ZNF827: variants seen among roughly 807,000 people sequenced by gnomAD.
ZNF827 encodes zinc finger protein 827.
A neutral mutation model predicts 102.4 loss-of-function variants in ZNF827; 13 were observed. The observed-to-expected ratio is 0.13, with a 90% CI of 0.08 to 0.20. ZNF827 has a LOEUF of 0.20. ZNF827 is among the 10% of genes least tolerant of loss of function. The probability of loss-of-function intolerance (pLI) is 1.00; values close to 1 mark genes in which losing one functional copy is unlikely to be tolerated. For missense variants in ZNF827, 1,103 were observed against 1,344.4 expected (o/e 0.82, Z 2.81); for synonymous variants, 523 against 536.2 (o/e 0.98, Z 0.34).
At chr4:145,901,369 G>A (rs1269543910) in intron 2 of ZNF827, among the ~76,000 whole-genome samples, 1 of 152,186 alleles carries the variant, frequency 6.6e-6, no homozygotes, top group Non-Finnish European at 1.5e-5. Context: ...TTTCCACTGT[G>A]AGAATTCAAG....
intron 8 of ZNF827, among the ~76,000 whole-genome samples, chr4:145,792,628 G>A (rs141867821): frequency 8.5e-4 from 130 of 152,082 alleles, no homozygotes; most frequent in Admixed American, 2.8e-3. Context: ...TCCTGGGCTC[G>A]AGCAATCTGT....
intron 6 of ZNF827, among the ~76,000 whole-genome samples, chr4:145,848,804 G>A (rs987195882): frequency 2.0e-5 from 3 of 152,128 alleles, no homozygotes; most frequent in Non-Finnish European, 4.4e-5. Flanking sequence ...TTGGTTTACC[G>A]AAACTGTTCT....
At position 145,774,475 on chromosome 4, in the gene ZNF827, G is replaced by A. The variant is rs780493506; in HGVS notation, c.2860+31C>T. ...CTCTGGGGTGCAGGGGATGGAGAAG[G>A]AGTGTGAGAAGGACAGACAGGAATG... On this transcript the variant is annotated intron_variant, in intron 11 of 14. Coordinates refer to ENST00000508784, the MANE Select transcript of ZNF827 (RefSeq NM_001306215.2). 6.4e-5 allele frequency: 102 copies of A among 1,593,700 alleles called. 1 individual carries two copies. Among genetic ancestry groups the A allele is most frequent in the Non-Finnish European group, 8.2e-5 (96 of 1,167,380 alleles).
rs889284982 is a variant in ZNF827 at position 145,870,142 on chromosome 4, G to T, written c.1981+103C>A. On this transcript the variant is annotated intron_variant, in intron 5 of 14. Coordinates refer to ENST00000508784, the MANE Select transcript of ZNF827 (RefSeq NM_001306215.2). Reference sequence around the variant, plus strand: ...TTCTTTGAATTCACAGCAATAATGCGATATTGCTGCCATTGGGTTAATTAT... The same window carrying T: ...TTCTTTGAATTCACAGCAATAATGCTATATTGCTGCCATTGGGTTAATTAT... 5.7e-6 allele frequency: 6 copies of T among 1,049,022 alleles called. No homozygotes were observed. In the African/African-American group the frequency reaches 9.6e-5, roughly 17 times the overall value. 65.0% of individuals were successfully genotyped at this position (1,049,022 alleles called of 1,614,324 possible).
At position 145,821,881 on chromosome 4, in the gene ZNF827, T is replaced by A. The variant is rs1743177413; in HGVS notation, c.2383+1541A>T. Among the ~76,000 whole-genome samples the A allele has an allele frequency of 2.0e-5, 3 of 152,198 alleles. No individual in the cohort carries two copies. The South Asian group carries it at 6.2e-4, about 31-fold the overall frequency. On this transcript the variant is annotated intron_variant, in intron 8 of 14. Transcript: ENST00000508784. ...CTTGACCAATAAACCCTGCTTTAAATACTGCCAAGCCAAACATAAAGCCAG... is the reference window on the plus strand; with the variant it reads ...CTTGACCAATAAACCCTGCTTTAAAAACTGCCAAGCCAAACATAAAGCCAG...
intron 13 of ZNF827, 77 bp downstream of exon 13, chr4:145,764,911 G>C (rs1302139085): frequency 3.1e-6 from 5 of 1,601,718 alleles, no homozygotes; most frequent in Non-Finnish European, 4.3e-6. Flanking sequence ...AAACCTTCAC[G>C]GGAAGGGACG....
intron 1 of ZNF827, among the ~76,000 whole-genome samples, chr4:145,929,494 A>T (rs1449141731): frequency 6.6e-6 from 1 of 152,218 alleles, no homozygotes; most frequent in Non-Finnish European, 1.5e-5. Flanking sequence ...ATTCAGGTCA[A>T]ATCATATAAA....
chr4:145,860,987 C>A (rs935884643), intron 5 of ZNF827, among the ~76,000 whole-genome samples: 3 of 152,202 alleles, frequency 2.0e-5, no homozygotes, highest in Non-Finnish European at 4.4e-5. Flanking sequence ...TGCACAGATG[C>A]GCTGAGTAGC....
chr4:145,935,951 C>T (rs1754131380), intron 1 of ZNF827, among the ~76,000 whole-genome samples: 1 of 152,106 alleles, frequency 6.6e-6, no homozygotes, highest in Non-Finnish European at 1.5e-5. Context: ...TTCTCCTCTC[C>T]CACCCTCCCT....
At chr4:145,923,089 T>C (rs1753191041) in intron 1 of ZNF827, among the ~76,000 whole-genome samples, 2 of 152,188 alleles carry the variant, frequency 1.3e-5, no homozygotes, top group African/African-American at 4.8e-5. Flanking sequence ...TCTATGCACA[T>C]TGATCCATTC....
chr4:145,766,605 G>A (rs562093718), intron 11 of ZNF827, among the ~76,000 whole-genome samples: 4 of 152,334 alleles, frequency 2.6e-5, no homozygotes, highest in African/African-American at 9.6e-5. Context: ...TATCAGAGAG[G>A]AAGGGGCAGC....
In ZNF827 at chr4:145,762,090, G is replaced by A. The variant is rs1223378458; in HGVS notation, c.*18-492C>T. On this transcript the variant is annotated intron_variant, in intron 14 of 14. Coordinates refer to ENST00000508784, the MANE Select transcript of ZNF827 (RefSeq NM_001306215.2). The surrounding 1 kb of genome is among the most constrained non-coding windows in gnomAD (Gnocchi z 4.9). ...AGGTTTTAAAGAACAGCTTATAGGGGGAGCGCTACCTCCAGCAAACAGAAA... is the reference window on the plus strand; with the variant it reads ...AGGTTTTAAAGAACAGCTTATAGGGAGAGCGCTACCTCCAGCAAACAGAAA... 6.6e-6 allele frequency among the ~76,000 whole-genome samples: 1 copy of A among 152,162 alleles called. No homozygotes were observed. Among genetic ancestry groups the A allele is most frequent in the East Asian group, 1.9e-4 (1 of 5,192 alleles).
rs751498290 is a variant in ZNF827 at position 145,885,913 on chromosome 4, A to T, written c.1512T>A (p.Ser504=). 1.7e-5 allele frequency: 28 copies of T among 1,614,082 alleles called. No homozygotes were observed. The Admixed American group carries it at 2.7e-4, about 15-fold the overall frequency. Residue 504 remains serine (S), a synonymous_variant, in exon 4 of 15, where the codon TCT becomes TCA. Coordinates refer to ENST00000508784, the MANE Select transcript of ZNF827 (RefSeq NM_001306215.2). ...CCTGGCTAGTCCTCTCTGGAGTGTT[A>T]GACGTCATCATGGTCCCCACTAGCT... is the stretch of plus-strand genomic sequence containing the variant. ...GTELVGTMMT[S]NTPERTSQGG... is the part of the protein sequence containing the mutation.
Position 145,885,711 on chromosome 4 carries a change from T to C in ZNF827, c.1714A>G (p.Lys572Glu). 1 of 1,543,090 alleles carries C rather than the reference T, an allele frequency of 6.5e-7. No individual in the cohort carries two copies. The highest frequency in any genetic ancestry group is 8.7e-7 in the Non-Finnish European group (1 of 1,147,496). The change falls in exon 4 of 15, where the codon AAG becomes GAG. Residue 572 changes from lysine to glutamate, a missense_variant. By Grantham distance (56) the Lys-to-Glu change is moderately conservative (BLOSUM62 1). Transcript: ENST00000508784. ...SALFSQDISVKMASDFLMKLS... is the reference protein window; with the variant it reads ...SALFSQDISVEMASDFLMKLS... Reference sequence around the variant, plus strand: ...TTCATGAGAAAATCAGACGCCATCTTAACAGAGATGTCCTGGCTGAACAAT... The same window carrying C: ...TTCATGAGAAAATCAGACGCCATCTCAACAGAGATGTCCTGGCTGAACAAT...
At chr4:145,812,431 T>C (rs908047847) in intron 8 of ZNF827, among the ~76,000 whole-genome samples, 1 of 152,156 alleles carries the variant, frequency 6.6e-6, no homozygotes, top group Non-Finnish European at 1.5e-5. Flanking sequence ...GGCAATCAGC[T>C]CGGCATCTAA....
chr4:145,823,473 T>C lies in ZNF827; in HGVS notation c.2332A>G (p.Lys778Glu). 2 of 1,613,978 alleles carry C rather than the reference T, an allele frequency of 1.2e-6. No homozygotes were observed. Among genetic ancestry groups the C allele is most frequent in the East Asian group, 2.2e-5 (1 of 44,868 alleles). ...ACGGAGTCACTGGGCAGCAGTTCTT[T>C]TGAATTGGAGGTGAATGGTGATTGT... is the stretch of plus-strand genomic sequence containing the variant. ...FRQSPFTSNS[K>E]ELLPSDSVLH... The change falls in exon 8 of 15, where the codon AAA becomes GAA. Residue 778 changes from lysine to glutamate, a missense_variant. This residue lies in a region of ZNF827 where 243 missense variants were observed against 251.6 expected (regional missense o/e 0.97). Transcript: ENST00000508784.
At position 145,870,473 on chromosome 4, in the gene ZNF827, T is replaced by C. The variant is rs1748584767; in HGVS notation, c.1753A>G (p.Asn585Asp). 1 of 1,613,636 alleles carries C rather than the reference T, an allele frequency of 6.2e-7. No individual in the cohort carries two copies. Among genetic ancestry groups the C allele is most frequent in the African/African-American group, 1.3e-5 (1 of 74,794 alleles). ...TTAAGATTCATGGGCTCCTTCTGATTTGCAGCTGTCAAAAGAAAAAAAGGG... is the reference window on the plus strand; with the variant it reads ...TTAAGATTCATGGGCTCCTTCTGATCTGCAGCTGTCAAAAGAAAAAAAGGG... Reference protein sequence around the residue: ...SDFLMKLSAANQKEPMNLNFK... With the variant: ...SDFLMKLSAADQKEPMNLNFK... The change falls in exon 5 of 15, where the codon AAT (asparagine) becomes GAT (aspartate). Residue 585 changes from asparagine (N) to aspartate (D), a missense_variant. By Grantham distance (23) the Asn-to-Asp change is conservative (BLOSUM62 1). Coordinates refer to ENST00000508784, the MANE Select transcript of ZNF827 (RefSeq NM_001306215.2).
intron 8 of ZNF827, among the ~76,000 whole-genome samples, chr4:145,781,914 G>C (rs1370160663): frequency 6.6e-6 from 1 of 152,238 alleles, no homozygotes; most frequent in East Asian, 1.9e-4. Flanking sequence ...AAATAGATAA[G>C]CACCTTAATA....
intron 8 of ZNF827, among the ~76,000 whole-genome samples, chr4:145,813,451 CAT>C (rs1192525721): frequency 6.6e-6 from 1 of 152,012 alleles, no homozygotes; most frequent in Non-Finnish European, 1.5e-5. Context: ...TAAGAAAAAA[CAT>C]AGTATTTCCA....
Sources: gnomAD v4.1 joint callset for allele counts (sites outside exome capture counted in the v4.1 genomes callset) on GRCh38, gnomAD v4.1.1 for gene constraint, gnomAD v4.1.1 regional missense constraint, Gnocchi (gnomAD v3.1) non-coding constraint, MANE v1.5 for transcripts, NCBI Gene and HGNC (gene_info 2026-07-23, HGNC 2026-07-21) for gene names.